The following ST3GAL2 variants were observed in gnomAD, a reference collection of about 807,000 sequenced individuals.
The protein encoded by ST3GAL2 is CMP-N-acetylneuraminate-beta-galactosamide-alpha-2,3-sialyltransferase 2.
Under a neutral mutation model 37.5 loss-of-function variants are expected in ST3GAL2, and 16 were observed. The observed-to-expected ratio is 0.43, with a 90% CI of 0.29 to 0.65. The LOEUF (loss-of-function observed/expected upper bound fraction) is 0.65. Ranked by LOEUF, ST3GAL2 falls within the 30% of genes least tolerant of loss-of-function variation. The pLI is 0.17. For missense variants in ST3GAL2, 383 were observed against 487.8 expected (o/e 0.79, Z 2.02); for synonymous variants, 238 against 202.9 (o/e 1.17, Z -1.47).
At position 70,381,666 on chromosome 16, in the gene ST3GAL2, G is replaced by A. The variant is rs757798981; in HGVS notation, c.*23C>T. 1.5e-5 allele frequency: 24 copies of A among 1,610,034 alleles called. No individual in the cohort carries two copies. In the African/African-American group the frequency reaches 2.5e-4, roughly 17 times the overall value. ...GCCCCGGTGCCCGATAGATGGGCCG[G>A]AAGGGTCGCGGCGAGGCCCGGCTCA... is the stretch of plus-strand genomic sequence containing the variant. On this transcript the variant is annotated 3_prime_UTR_variant, in exon 7 of 7. Coordinates refer to ENST00000342907, the MANE Select transcript of ST3GAL2 (RefSeq NM_006927.4).
Position 70,398,888 on chromosome 16 carries a change from G to C in ST3GAL2, c.-358C>G. 2.1e-6 allele frequency: 1 copy of C among 471,826 alleles called. No homozygotes were observed. Among genetic ancestry groups the C allele is most frequent in the Non-Finnish European group, 3.7e-6 (1 of 269,476 alleles). 29.2% of individuals were successfully genotyped at this position (471,826 alleles called of 1,614,324 possible). On this transcript the variant is annotated 5_prime_UTR_variant, in exon 2 of 7. Coordinates refer to ENST00000342907, the MANE Select transcript of ST3GAL2 (RefSeq NM_006927.4). ...TTGGGATTGCTGGCTGCCAGCTCTA[G>C]GGGTCCCCCTCTTTGGCGGCTTGAA... is the stretch of plus-strand genomic sequence containing the variant.
chr16:70,413,107 G>A (rs1353942034), intron 1 of ST3GAL2, among the ~76,000 whole-genome samples: 4 of 151,986 alleles, frequency 2.6e-5, no homozygotes, highest in Non-Finnish European at 4.4e-5. Context: ...AAAATAAGCC[G>A]GGCATGGTGG....
intron 1 of ST3GAL2, among the ~76,000 whole-genome samples, chr16:70,403,035 T>A (rs181380423): frequency 6.6e-6 from 1 of 152,320 alleles, no homozygotes; most frequent in East Asian, 1.9e-4. Context: ...CGTAGTAAAA[T>A]CTAAAATGCT....
At chr16:70,438,543 G>A (rs2047842955) in intron 1 of ST3GAL2, among the ~76,000 whole-genome samples, 1 of 152,164 alleles carries the variant, frequency 6.6e-6, no homozygotes, top group African/African-American at 2.4e-5. Context: ...GGCCAAGAGT[G>A]GGGCCGGGGT....
rs1028818125 is a variant in ST3GAL2 at position 70,380,231 on chromosome 16, G to T, written c.*1458C>A. The T allele has an allele frequency of 6.6e-6, 1 of 152,150 alleles. No individual in the cohort carries two copies. The highest frequency in any genetic ancestry group is 1.9e-4 in the East Asian group (1 of 5,192). The allele number at this position is 152,150 out of a possible 1,614,324, so 9.4% of individuals were successfully genotyped here. ...TAGGTTCCAATATATTAACTTTCAG[G>T]GGCCCACTGCCCATCCCAACCCTCC... is the stretch of plus-strand genomic sequence containing the variant. On this transcript the variant is annotated 3_prime_UTR_variant, in exon 7 of 7. Coordinates refer to ENST00000342907, the MANE Select transcript of ST3GAL2 (RefSeq NM_006927.4).
chr16:70,385,682 T>A (rs554499745), intron 4 of ST3GAL2, among the ~76,000 whole-genome samples: 1 of 149,852 alleles, frequency 6.7e-6, no homozygotes, highest in African/African-American at 2.5e-5. Context: ...AACATGAAAA[T>A]GTTCCTTTTT....
chr16:70,394,088 G>A (rs2047499581), intron 3 of ST3GAL2, among the ~76,000 whole-genome samples: 1 of 152,164 alleles, frequency 6.6e-6, no homozygotes, highest in Admixed American at 6.5e-5. Flanking sequence ...CAGGTCGTGA[G>A]CCTGCCCCCT....
chr16:70,425,066 G>A (rs2047741009), intron 1 of ST3GAL2, among the ~76,000 whole-genome samples: 1 of 152,164 alleles, frequency 6.6e-6, no homozygotes, highest in African/African-American at 2.4e-5. Flanking sequence ...CTTGTATTGA[G>A]CTGGGCATGG....
chr16:70,380,732 G>A lies in ST3GAL2; in HGVS notation c.*957C>T, dbSNP rs936408406. 1 of 152,738 alleles carries A rather than the reference G, an allele frequency of 6.5e-6. No homozygotes were observed. Among genetic ancestry groups the A allele is most frequent in the African/African-American group, 2.4e-5 (1 of 41,488 alleles). 9.5% of individuals were successfully genotyped at this position (152,738 alleles called of 1,614,324 possible). A position where few individuals can be genotyped will look rare whatever the true frequency, so the allele number is the denominator to read the frequency against. On this transcript the variant is annotated 3_prime_UTR_variant, in exon 7 of 7. Coordinates refer to ENST00000342907, the MANE Select transcript of ST3GAL2 (RefSeq NM_006927.4). ...TGAGCCCCAGGCAAAGTTACCCCCA[G>A]GCAAGAGGCGATGGGTGGAGGAGGA...
At chr16:70,396,005 CTT>C (rs1259144346) in intron 2 of ST3GAL2, among the ~76,000 whole-genome samples, 4 of 147,384 alleles carry the variant, frequency 2.7e-5, no homozygotes, top group South Asian at 2.1e-4. Flanking sequence ...GAGTTTCACT[CTT>C]GTCGCCCAGG....
At chr16:70,428,603 C>A (rs748406770) in intron 1 of ST3GAL2, among the ~76,000 whole-genome samples, 5 of 152,236 alleles carry the variant, frequency 3.3e-5, no homozygotes, top group Non-Finnish European at 5.9e-5. Context: ...TCCTATCCCT[C>A]CCTCTTGGAC....
In ST3GAL2 at chr16:70,395,145, T is replaced by C. The variant is rs1343389943; in HGVS notation, c.370A>G (p.Thr124Ala). The C allele has an allele frequency of 1.2e-6, 2 of 1,609,838 alleles. No individual in the cohort carries two copies. The highest frequency in any genetic ancestry group is 1.1e-5 in the South Asian group (1 of 90,572). Reference protein sequence around the residue: ...MLQPQFKSHNTNEVLEKLFQI... With the variant: ...MLQPQFKSHNANEVLEKLFQI... ...AACAGCTTCTCCAGCACCTCATTGG[T>C]GTTGTGTGACTTGAACTGGGGCTGC... The change falls in exon 3 of 7, where the codon ACC (threonine) becomes GCC (alanine). Residue 124 changes from threonine to alanine, a missense_variant. Around this residue, in one of 2 missense-constraint regions of ST3GAL2, gnomAD observed 223 missense variants for 239.1 expected, o/e 0.93. Transcript: ENST00000342907.
chr16:70,395,179 T>C lies in ST3GAL2; in HGVS notation c.340-4A>G, dbSNP rs749959356. 1.3e-5 allele frequency: 21 copies of C among 1,590,060 alleles called. No individual in the cohort carries two copies. The highest frequency in any genetic ancestry group is 1.6e-5 in the Non-Finnish European group (19 of 1,166,860). On this transcript the variant is annotated splice_region_variant and splice_polypyrimidine_tract_variant and intron_variant, in intron 2 of 6. Transcript: ENST00000342907. Reference sequence around the variant, plus strand: ...ACTTGAACTGGGGCTGCAGCATCTGTGGAAGGGAGGGGAAGATGGGAAACG... The same window carrying C: ...ACTTGAACTGGGGCTGCAGCATCTGCGGAAGGGAGGGGAAGATGGGAAACG...
intron 1 of ST3GAL2, among the ~76,000 whole-genome samples, chr16:70,426,599 C>G (rs538534251): frequency 2.6e-5 from 4 of 151,666 alleles, no homozygotes; most frequent in African/African-American, 9.7e-5. Context: ...ACAACCTCTG[C>G]CTCCCGGGTT....
intron 1 of ST3GAL2, among the ~76,000 whole-genome samples, chr16:70,435,829 T>TA (rs1343490407): frequency 6.6e-6 from 1 of 150,490 alleles, no homozygotes; most frequent in South Asian, 2.1e-4. Context: ...TAAAATAAAA[T>TA]AAAAAAGACT....
intron 3 of ST3GAL2, among the ~76,000 whole-genome samples, chr16:70,393,387 T>C (rs1204147495): frequency 1.3e-5 from 2 of 152,170 alleles, no homozygotes; most frequent in African/African-American, 4.8e-5. Context: ...GCCTTATAAA[T>C]TTCTTTCTGC....
chr16:70,407,680 C>G (rs1166158964), intron 1 of ST3GAL2, among the ~76,000 whole-genome samples: 3 of 152,138 alleles, frequency 2.0e-5, no homozygotes, highest in Admixed American at 2.0e-4. Context: ...AAAGGAGACC[C>G]TCACCAGCAC....
intron 1 of ST3GAL2, among the ~76,000 whole-genome samples, chr16:70,416,559 T>C (rs1480960179): frequency 1.3e-5 from 2 of 152,130 alleles, no homozygotes; most frequent in Admixed American, 6.5e-5. Context: ...CTGAGTATCA[T>C]CTCTCTACAT....
chr16:70,395,308 G>A (rs2047508328), intron 2 of ST3GAL2, 133 bp from the exon 3 acceptor site: 10 of 806,900 alleles, frequency 1.2e-5, no homozygotes, highest in Non-Finnish European at 1.9e-5. Context: ...GGCTCTGCCA[G>A]GGAACAGGGG....
Sources: gnomAD v4.1 joint callset for allele counts (sites outside exome capture counted in the v4.1 genomes callset) on GRCh38, gnomAD v4.1.1 for gene constraint, gnomAD v4.1.1 regional missense constraint, MANE v1.5 for transcripts, NCBI Gene and HGNC (gene_info 2026-07-23, HGNC 2026-07-21) for gene names.